The following CLDN10 variants were observed in gnomAD, a reference collection of about 807,000 sequenced individuals.
The protein encoded by CLDN10 is claudin-10.
CLDN10 carries 15 observed loss-of-function variants against 22.9 expected under a neutral mutation model. The observed-to-expected ratio is 0.65, with a 90% CI of 0.44 to 1.01. The LOEUF is 1.01. CLDN10 is among the 50% of genes least tolerant of loss of function. The pLI is 0.00. For missense variants in CLDN10, 247 were observed against 287.8 expected (o/e 0.86, Z 1.03); for synonymous variants, 114 against 111.4 (o/e 1.02, Z -0.15).
chr13:95,457,983 G>C (rs2042498576), intron 1 of CLDN10, among the ~76,000 whole-genome samples: 1 of 152,154 alleles, frequency 6.6e-6, no homozygotes, highest in African/African-American at 2.4e-5. Flanking sequence ...AATCTAGGCT[G>C]GACTTTGCTG....
At chr13:95,555,643 C>A (rs1009902038) in intron 1 of CLDN10, among the ~76,000 whole-genome samples, 1 of 152,130 alleles carries the variant, frequency 6.6e-6, no homozygotes, top group African/African-American at 2.4e-5. Context: ...TGATGACTTT[C>A]CTTCTGTGGC....
chr13:95,550,820 CTTTTTTT>C (rs56225257), upstream of CLDN10, among the ~76,000 whole-genome samples: 5 of 85,546 alleles, frequency 5.8e-5, no homozygotes, highest in East Asian at 4.0e-4. Flanking sequence ...TAGGAAGATA[CTTTTTTT>C]TTTTTTTTTT....
At chr13:95,541,407 A>G (rs1250681323) in intron 1 of CLDN10, among the ~76,000 whole-genome samples, 1 of 152,202 alleles carries the variant, frequency 6.6e-6, no homozygotes, top group Admixed American at 6.5e-5. Context: ...GAGTAGTGAG[A>G]AAGAGATTTC....
chr13:95,471,048 A>T (rs2042626195), intron 1 of CLDN10, among the ~76,000 whole-genome samples: 1 of 152,150 alleles, frequency 6.6e-6, no homozygotes, highest in Non-Finnish European at 1.5e-5. Flanking sequence ...GGAAAGCCCG[A>T]GAGCATGAGC....
At chr13:95,502,298 T>C (rs2042994128) in intron 1 of CLDN10, among the ~76,000 whole-genome samples, 1 of 152,164 alleles carries the variant, frequency 6.6e-6, no homozygotes, top group Non-Finnish European at 1.5e-5. Context: ...AATCTTAATT[T>C]TTTTGTCCTC....
At chr13:95,529,251 T>C (rs557219059) in intron 1 of CLDN10, among the ~76,000 whole-genome samples, 1 of 152,310 alleles carries the variant, frequency 6.6e-6, no homozygotes, top group East Asian at 1.9e-4. Context: ...TTTTGCTCTG[T>C]TGATCCATTT....
chr13:95,481,962 T>C lies in CLDN10; in HGVS notation c.214+47915T>C, dbSNP rs533700123. On this transcript the variant is annotated intron_variant, in intron 1 of 4. Coordinates refer to the CLDN10 transcript ENST00000376873. Reference sequence around the variant, plus strand: ...TGAACCCAGGAGGCGGAGGTTGCAATGAGCAAAGATCGCACCACTACACTC... The same window carrying C: ...TGAACCCAGGAGGCGGAGGTTGCAACGAGCAAAGATCGCACCACTACACTC... 2.0e-3 allele frequency among the ~76,000 whole-genome samples: 297 copies of C among 152,248 alleles called. 3 individuals are homozygous for C. Among genetic ancestry groups the C allele is most frequent in the African/African-American group, 5.7e-3 (235 of 41,544 alleles).
At chr13:95,447,742 C>T (rs2042394093) in intron 1 of CLDN10, among the ~76,000 whole-genome samples, 1 of 147,544 alleles carries the variant, frequency 6.8e-6, no homozygotes, top group Admixed American at 6.8e-5. Flanking sequence ...AGTGCACATG[C>T]GTGTGTGTGT....
chr13:95,440,540 G>T lies in CLDN10; in HGVS notation c.214+6493G>T, dbSNP rs972193020. Among the ~76,000 whole-genome samples, 7 of 152,258 alleles carry T rather than the reference G, an allele frequency of 4.6e-5. No individual in the cohort carries two copies. In the East Asian group the frequency reaches 1.4e-3, roughly 29 times the overall value. On this transcript the variant is annotated intron_variant, in intron 1 of 4. Transcript: ENST00000376873. ...AAAAATTTAAAAATAGCCAAGCATG[G>T]CAGCACATGCCTGTAGTTCCAACTA...
intron 1 of CLDN10, among the ~76,000 whole-genome samples, chr13:95,438,416 T>C (rs918987140): frequency 1.3e-5 from 2 of 152,328 alleles, no homozygotes; most frequent in Middle Eastern, 3.4e-3. Context: ...AGGCCTTTTT[T>C]TCCCCCTTAT....
chr13:95,536,183 G>GAAAA (rs34043263), intron 1 of CLDN10, among the ~76,000 whole-genome samples: 2 of 148,656 alleles, frequency 1.3e-5, no homozygotes, highest in Admixed American at 6.7e-5. Context: ...TCCTAAATTT[G>GAAAA]AAAAAAAAAA....
intron 3 of CLDN10, among the ~76,000 whole-genome samples, chr13:95,573,721 G>C (rs1467349670): frequency 2.9e-5 from 4 of 138,438 alleles, no homozygotes; most frequent in Non-Finnish European, 6.1e-5. Flanking sequence ...TTTTATTTGT[G>C]TGTGTGTGTG....
At chr13:95,534,914 T>C (rs1191737947) in intron 1 of CLDN10, among the ~76,000 whole-genome samples, 4 of 152,248 alleles carry the variant, frequency 2.6e-5, no homozygotes, top group African/African-American at 9.6e-5. Flanking sequence ...AGCAGGGACA[T>C]GGATACAAAC....
At chr13:95,559,924 C>T (rs764002553) in intron 1 of CLDN10, among the ~76,000 whole-genome samples, 1 of 152,196 alleles carries the variant, frequency 6.6e-6, no homozygotes, top group Non-Finnish European at 1.5e-5. Context: ...TGAGGATTCC[C>T]CATAAACCGC....
intron 1 of CLDN10, among the ~76,000 whole-genome samples, chr13:95,534,660 C>T (rs925067160): frequency 1.3e-5 from 2 of 152,018 alleles, no homozygotes; most frequent in East Asian, 1.9e-4. Flanking sequence ...ACCAGGAAAC[C>T]TCTAAGTTGT....
intron 1 of CLDN10, among the ~76,000 whole-genome samples, chr13:95,528,171 A>G (rs1206368022): frequency 1.3e-5 from 2 of 152,074 alleles, no homozygotes; most frequent in Non-Finnish European, 2.9e-5. Context: ...TGGCTCCCAT[A>G]ATGCCCACGT....
chr13:95,570,161 T>C (rs1358804566), intron 3 of CLDN10, among the ~76,000 whole-genome samples: 1 of 152,192 alleles, frequency 6.6e-6, no homozygotes, highest in African/African-American at 2.4e-5. Flanking sequence ...ACAGTATTTG[T>C]TATTTTAGGA....
At chr13:95,495,736 T>A (rs1381311122) in intron 1 of CLDN10, among the ~76,000 whole-genome samples, 1 of 98,050 alleles carries the variant, frequency 1.0e-5, no homozygotes, top group Non-Finnish European at 2.0e-5. Context: ...AGAGCCAGAC[T>A]CCACCTCAAA....
intron 1 of CLDN10, among the ~76,000 whole-genome samples, chr13:95,539,802 A>G (rs2043440390): frequency 1.3e-5 from 2 of 152,222 alleles, no homozygotes; most frequent in African/African-American, 4.8e-5. Context: ...AATTTGCAAC[A>G]TCCCATAGAG....
Sources: gnomAD v4.1 joint callset for allele counts (sites outside exome capture counted in the v4.1 genomes callset) on GRCh38, gnomAD v4.1.1 for gene constraint, MANE v1.5 for transcripts, NCBI Gene and HGNC (gene_info 2026-07-23, HGNC 2026-07-21) for gene names.